Variants in TATDN1 observed in about 807,000 individuals in gnomAD.
TATDN1 encodes the protein TatD DNase domain containing 1.
TATDN1 carries 40 observed loss-of-function variants against 46.4 expected under a neutral mutation model. The ratio of observed to expected loss-of-function variants is 0.86; its 90% confidence interval spans 0.67 to 1.12. The LOEUF (loss-of-function observed/expected upper bound fraction) is 1.12. Ranked by LOEUF, TATDN1 falls within the 50% of genes most tolerant of loss-of-function variation. The pLI, the probability that TATDN1 is intolerant of heterozygous loss-of-function variation, is 0.00. For synonymous variants in TATDN1, 95 were observed against 105.6 expected (o/e 0.90, Z 0.62); for missense variants, 326 against 348.4 (o/e 0.94, Z 0.51).
At chr8:124,522,231 C>G (rs1425102366) in intron 2 of TATDN1, 31 bp from the exon 3 acceptor site, 1 of 1,468,616 alleles carries the variant, frequency 6.8e-7, no homozygotes, top group Non-Finnish European at 9.3e-7. Context: ...ATTATGAAAA[C>G]CTGGCAGACA....
At chr8:124,499,419 T>C (rs910598979) in intron 9 of TATDN1, among the ~76,000 whole-genome samples, 4 of 152,222 alleles carry the variant, frequency 2.6e-5, no homozygotes, top group Admixed American at 2.0e-4. Flanking sequence ...TCTATGACTG[T>C]AAAATTTGCC....
chr8:124,535,122 A>G (rs1236876089), intron 1 of TATDN1, among the ~76,000 whole-genome samples: 1 of 152,180 alleles, frequency 6.6e-6, no homozygotes, highest in Non-Finnish European at 1.5e-5. Context: ...CTCTAATCAC[A>G]TGATGGGTTT....
chr8:124,532,030 G>A (rs1216145437), intron 1 of TATDN1, among the ~76,000 whole-genome samples: 2 of 151,994 alleles, frequency 1.3e-5, no homozygotes, highest in African/African-American at 4.8e-5. Context: ...GTGAAAATAA[G>A]TCTGGAAAGG....
At chr8:124,499,185 G>A (rs1339130859) in intron 9 of TATDN1, among the ~76,000 whole-genome samples, 1 of 151,822 alleles carries the variant, frequency 6.6e-6, no homozygotes, top group African/African-American at 2.4e-5. Flanking sequence ...TTTAGGAGGG[G>A]TGGGTGAGAT....
chr8:124,518,902 A>G, intron 3 of TATDN1, 21 bp from the exon 4 acceptor site: 1 of 1,551,034 alleles, frequency 6.4e-7, no homozygotes, highest in Non-Finnish European at 8.9e-7. Flanking sequence ...AAGAAAATAA[A>G]ATAAGCTGAC....
chr8:124,531,030 G>A (rs1350208858), intron 1 of TATDN1, among the ~76,000 whole-genome samples: 1 of 152,074 alleles, frequency 6.6e-6, no homozygotes, highest in African/African-American at 2.4e-5. Flanking sequence ...CCATCCAGTA[G>A]GCTGGATGAA....
chr8:124,492,886 C>T (rs1044614443), intron 11 of TATDN1, among the ~76,000 whole-genome samples: 1 of 151,634 alleles, frequency 6.6e-6, no homozygotes, highest in Non-Finnish European at 1.5e-5. Flanking sequence ...CTGAGCTGAT[C>T]TTGAACTCCT....
At chr8:124,531,125 G>T (rs918593142) in intron 1 of TATDN1, among the ~76,000 whole-genome samples, 7 of 152,104 alleles carry the variant, frequency 4.6e-5, no homozygotes, top group African/African-American at 1.7e-4. Flanking sequence ...TTGGGAAGCT[G>T]TAAAAAGATT....
At chr8:124,502,368 T>C (rs967901847) in intron 9 of TATDN1, among the ~76,000 whole-genome samples, 3 of 150,784 alleles carry the variant, frequency 2.0e-5, no homozygotes, top group Non-Finnish European at 4.4e-5. Flanking sequence ...AGTGGGGTTC[T>C]CTCCCCTTTC....
intron 1 of TATDN1, among the ~76,000 whole-genome samples, chr8:124,528,385 G>A (rs1185055494): frequency 6.6e-6 from 1 of 152,166 alleles, no homozygotes; most frequent in African/African-American, 2.4e-5. Flanking sequence ...ATGTTAGCCA[G>A]GATGGTCTCG....
chr8:124,508,380 G>T, intron 8 of TATDN1, 94 bp downstream of exon 8: 1 of 1,060,654 alleles, frequency 9.4e-7, no homozygotes. Context: ...GCTTAAAAAG[G>T]TTCAGATTTT....
At chr8:124,524,966 G>T (rs1011726183) in intron 1 of TATDN1, among the ~76,000 whole-genome samples, 1 of 152,042 alleles carries the variant, frequency 6.6e-6, no homozygotes, top group Non-Finnish European at 1.5e-5. Flanking sequence ...AGGAAAGCAG[G>T]TCCTACGTCC....
At chr8:124,491,593 G>C (rs1244547402) in intron 11 of TATDN1, 2 of 152,242 alleles carry the variant, frequency 1.3e-5, no homozygotes, top group Non-Finnish European at 2.9e-5. Flanking sequence ...CTGACTCACT[G>C]AATGCCTTAT....
intron 9 of TATDN1, 152 bp downstream of exon 9, chr8:124,504,119 C>A: frequency 1.4e-6 from 1 of 704,264 alleles, no homozygotes. Context: ...TGTTTAATTT[C>A]TTAATAAATA....
intron 6 of TATDN1, among the ~76,000 whole-genome samples, chr8:124,510,030 C>CAAAAAA (rs60271665): frequency 9.1e-6 from 1 of 110,210 alleles, no homozygotes; most frequent in Non-Finnish European, 1.9e-5. Flanking sequence ...CATTCTGTCT[C>CAAAAAA]AAAAAAAAAA....
chr8:124,514,621 A>T (rs895486664), intron 6 of TATDN1, among the ~76,000 whole-genome samples: 9 of 152,210 alleles, frequency 5.9e-5, no homozygotes, highest in African/African-American at 2.2e-4. Flanking sequence ...TTAGAAGCTC[A>T]GTCTAATGTT....
intron 9 of TATDN1, chr8:124,503,933 T>C (rs1818190041): frequency 7.7e-7 from 1 of 1,303,446 alleles, no homozygotes; most frequent in Middle Eastern, 2.1e-4. Context: ...AGATATGACG[T>C]GTATATGTAT....
rs112988237 is a variant in TATDN1, at chr8:124,525,438, C to T, written c.23-2436G>A. On this transcript the variant is annotated intron_variant, in intron 1 of 11. Transcript: ENST00000276692. The stretch of plus-strand genomic sequence containing the variant: ...CTGGGATTACAGGCATGAGGCACCA[C>T]GCCCAGCCAGTCTTAGTAAATTCTT... Among the ~76,000 whole-genome samples, 785 of 152,244 alleles carry T rather than the reference C, an allele frequency of 5.2e-3. 7 individuals carry two copies. Among genetic ancestry groups the T allele is most frequent in the African/African-American group, 0.018 (732 of 41,538 alleles).
intron 2 of TATDN1, among the ~76,000 whole-genome samples, 191 bp from the exon 3 acceptor site, chr8:124,522,391 G>A (rs570689846): frequency 6.6e-6 from 1 of 152,144 alleles, no homozygotes; most frequent in East Asian, 1.9e-4. Flanking sequence ...GTTTCACTTT[G>A]TTTACAGGTT....
Sources: allele counts gnomAD v4.1 joint callset (sites outside exome capture counted in the v4.1 genomes callset), GRCh38; gene constraint gnomAD v4.1.1; transcripts MANE v1.5; gene names NCBI Gene and HGNC (gene_info 2026-07-23, HGNC 2026-07-21).